RANBP2: variants seen among roughly 807,000 people sequenced by gnomAD.
The protein encoded by RANBP2 is E3 SUMO-protein ligase RanBP2.
A neutral mutation model predicts 303.6 loss-of-function variants in RANBP2; 57 were observed. That is an observed-to-expected ratio of 0.19 (90% CI 0.15 to 0.23). RANBP2 has a LOEUF of 0.23. Ranked by LOEUF, RANBP2 falls within the 10% of genes least tolerant of loss-of-function variation. RANBP2 has a pLI of 1.00. For missense variants in RANBP2, 3,138 were observed against 3,780.8 expected (o/e 0.83, Z 4.46); for synonymous variants, 1,167 against 1,301.5 (o/e 0.90, Z 2.23).
rs1436338654 is a variant in RANBP2, at chr2:108,740,469, T to G, written c.783-20T>G. ...AGTGCAGTAAGTGTGTATTATCTGT[T>G]TGATATTTTCATATTACAGTTTTGA... is the stretch of plus-strand genomic sequence containing the variant. On this transcript the variant is annotated intron_variant, in intron 6 of 28. Coordinates refer to ENST00000283195, the MANE Select transcript of RANBP2 (RefSeq NM_006267.5). 6.3e-7 allele frequency: 1 copy of G among 1,597,280 alleles called. No individual in the cohort carries two copies. Among genetic ancestry groups the G allele is most frequent in the African/African-American group, 1.3e-5 (1 of 74,858 alleles).
the RANBP2 span, chr2:109,615,285 C>T: frequency 6.3e-7 from 1 of 1,592,602 alleles, no homozygotes; most frequent in South Asian, 1.1e-5. Flanking sequence ...GACGCTGGAC[C>T]CCCTGGAGCA....
At chr2:109,075,253 T>G in the RANBP2 span, among the ~76,000 whole-genome samples, 1 of 150,354 alleles carries the variant, frequency 6.7e-6, no homozygotes, top group African/African-American at 2.4e-5. Flanking sequence ...AGATGAAGTC[T>G]CATTCTTGTC....
the RANBP2 span, among the ~76,000 whole-genome samples, chr2:109,430,363 C>T: frequency 6.6e-6 from 1 of 152,208 alleles, no homozygotes; most frequent in Non-Finnish European, 1.5e-5. Context: ...ATTCACAAGC[C>T]TTCCACGGAT....
chr2:109,346,701 G>T, the RANBP2 span, among the ~76,000 whole-genome samples: 4 of 152,072 alleles, frequency 2.6e-5, no homozygotes, highest in African/African-American at 7.2e-5. Context: ...TCTTTGACAG[G>T]CTCCTTATTG....
chr2:108,729,468 G>C (rs1276092450), intron 2 of RANBP2, among the ~76,000 whole-genome samples: 3 of 152,198 alleles, frequency 2.0e-5, no homozygotes, highest in South Asian at 4.1e-4. Context: ...TCTTCTGTTG[G>C]AGTAAAAGAG....
chr2:109,541,249 A>G, the RANBP2 span, among the ~76,000 whole-genome samples: 3 of 152,182 alleles, frequency 2.0e-5, no homozygotes, highest in Non-Finnish European at 4.4e-5. Flanking sequence ...CCCCATTCCT[A>G]ACTTTCATGC....
chr2:109,599,458 CAAAA>C, the RANBP2 span, among the ~76,000 whole-genome samples: 2 of 63,304 alleles, frequency 3.2e-5, no homozygotes, highest in Admixed American at 1.7e-4. Flanking sequence ...ACTCAGTCTC[CAAAA>C]AAAAAAAAAA....
chr2:108,974,442 G>A, the RANBP2 span, among the ~76,000 whole-genome samples: 1 of 147,452 alleles, frequency 6.8e-6, no homozygotes, highest in Non-Finnish European at 1.5e-5. Flanking sequence ...ACCATGAAAA[G>A]TAGACATGAC....
At chr2:109,556,617 G>T in the RANBP2 span, among the ~76,000 whole-genome samples, 1 of 152,028 alleles carries the variant, frequency 6.6e-6, no homozygotes, top group African/African-American at 2.4e-5. Context: ...CCCCAAGGAG[G>T]CATTTTACTT....
the RANBP2 span, among the ~76,000 whole-genome samples, chr2:109,317,344 C>T: frequency 6.6e-6 from 1 of 152,090 alleles, no homozygotes; most frequent in Non-Finnish European, 1.5e-5. Context: ...GGCAGGTGGG[C>T]AGGTGCCGCC....
At chr2:109,226,040 G>A in the RANBP2 span, among the ~76,000 whole-genome samples, 1 of 152,178 alleles carries the variant, frequency 6.6e-6, no homozygotes, top group Admixed American at 6.5e-5. Flanking sequence ...GGAAAAAATA[G>A]GCCTGACCCT....
At chr2:109,766,358 G>A in the RANBP2 span, among the ~76,000 whole-genome samples, 1 of 150,608 alleles carries the variant, frequency 6.6e-6, no homozygotes, top group African/African-American at 2.4e-5. Flanking sequence ...GCGTGTTTTG[G>A]AGAAAGCTGG....
the RANBP2 span, among the ~76,000 whole-genome samples, chr2:109,393,945 G>A: frequency 2.0e-5 from 3 of 151,972 alleles, no homozygotes; most frequent in Admixed American, 6.5e-5. Context: ...ATACTCTGGC[G>A]CTGTCGTGGA....
the RANBP2 span, among the ~76,000 whole-genome samples, chr2:109,038,613 A>G: frequency 1.3e-5 from 2 of 152,332 alleles, no homozygotes; most frequent in East Asian, 3.9e-4. Context: ...ACTGAAAGAA[A>G]ATGTTTGCAA....
At chr2:109,253,032 T>C in the RANBP2 span, among the ~76,000 whole-genome samples, 2,844 of 152,040 alleles carry the variant, frequency 0.019, 93 homozygotes, top group African/African-American at 0.065. Context: ...TTTTTTTTCT[T>C]TTTTTTTATT....
At chr2:108,975,856 G>A in the RANBP2 span, among the ~76,000 whole-genome samples, 29 of 152,142 alleles carry the variant, frequency 1.9e-4, no homozygotes, top group Admixed American at 1.7e-3. Context: ...ACTGCTGGAC[G>A]GCGTTCTGTG....
the RANBP2 span, among the ~76,000 whole-genome samples, chr2:108,945,195 T>A: frequency 6.6e-6 from 1 of 152,034 alleles, no homozygotes; most frequent in African/African-American, 2.4e-5. Context: ...CCAGCTTGGG[T>A]GGGGGCGAGC....
the RANBP2 span, among the ~76,000 whole-genome samples, chr2:109,429,590 C>T: frequency 3.3e-5 from 5 of 152,128 alleles, no homozygotes; most frequent in South Asian, 2.1e-4. Flanking sequence ...CCAGCCTCCC[C>T]GGGCCACACC....
At chr2:109,093,583 G>C in the RANBP2 span, among the ~76,000 whole-genome samples, 3 of 151,702 alleles carry the variant, frequency 2.0e-5, no homozygotes, top group Non-Finnish European at 2.9e-5. Flanking sequence ...AGAAATATTG[G>C]CTGTCCTGGC....
Sources: gnomAD v4.1 joint callset for allele counts (sites outside exome capture counted in the v4.1 genomes callset) on GRCh38, gnomAD v4.1.1 for gene constraint, MANE v1.5 for transcripts, NCBI Gene and HGNC (gene_info 2026-07-23, HGNC 2026-07-21) for gene names.